TMEM114: variants seen among roughly 807,000 people sequenced by gnomAD.
TMEM114 encodes transmembrane protein 114.
TMEM114 carries 6 observed loss-of-function variants against 6.2 expected under a neutral mutation model. The observed-to-expected ratio is 0.97, with a 90% CI of 0.53 to 1.91. TMEM114 has a LOEUF of 1.91. Ranked by LOEUF, TMEM114 falls within the 40% of genes most tolerant of loss-of-function variation. TMEM114 has a pLI of 0.01. For synonymous variants in TMEM114, 104 were observed against 73.0 expected, an observed-to-expected ratio of 1.42 and a Z score of -2.16; for missense variants, 218 against 158.3, an observed-to-expected ratio of 1.38 and a Z score of -2.02.
intron 2 of TMEM114, among the ~76,000 whole-genome samples, chr16:8,538,464 C>G (rs1311735085): frequency 6.6e-6 from 1 of 151,702 alleles, no homozygotes; most frequent in African/African-American, 2.4e-5. Flanking sequence ...CTGTATGAAC[C>G]TAGACAAAGA....
chr16:8,586,521 T>A (rs909484943), intron 2 of TMEM114, among the ~76,000 whole-genome samples: 3 of 151,272 alleles, frequency 2.0e-5, no homozygotes, highest in Non-Finnish European at 3.0e-5. Flanking sequence ...TTTTTTTTGT[T>A]TTTTTTTTGA....
intron 2 of TMEM114, among the ~76,000 whole-genome samples, chr16:8,580,270 C>G (rs62018867): frequency 6.6e-6 from 1 of 151,932 alleles, no homozygotes; most frequent in Non-Finnish European, 1.5e-5. Context: ...GCAGATCACT[C>G]GAGGCCAGGA....
At chr16:8,549,715 C>G (rs191884283) in intron 2 of TMEM114, among the ~76,000 whole-genome samples, 5 of 151,982 alleles carry the variant, frequency 3.3e-5, no homozygotes, top group African/African-American at 1.2e-4. Context: ...TCTGTGTGCT[C>G]AGGTGGTGGC....
intron 2 of TMEM114, among the ~76,000 whole-genome samples, chr16:8,573,937 G>C (rs528471141): frequency 1.3e-5 from 2 of 152,360 alleles, no homozygotes; most frequent in South Asian, 2.1e-4. Flanking sequence ...GTTTCTAGCA[G>C]AGGTTCTGTT....
intron 2 of TMEM114, among the ~76,000 whole-genome samples, chr16:8,542,547 C>A (rs9935924): frequency 1.3e-5 from 2 of 151,962 alleles, no homozygotes; most frequent in Middle Eastern, 3.4e-3. Context: ...TATGTAAGAA[C>A]GATTTGGCAG....
At chr16:8,568,047 G>T (rs913601878), downstream of TMEM114, among the ~76,000 whole-genome samples, 20 of 152,288 alleles carry the variant, frequency 1.3e-4, no homozygotes, top group African/African-American at 4.1e-4. Context: ...GAAGTAGGGG[G>T]AGGACCATCT....
At chr16:8,564,065 G>GTGAGTGAGTGCATGAA (rs1441640790) in intron 2 of TMEM114, among the ~76,000 whole-genome samples, 1 of 148,052 alleles carries the variant, frequency 6.8e-6, no homozygotes, top group Non-Finnish European at 1.5e-5. Context: ...GAGTAAATGA[G>GTGAGTGAGTGCATGAA]TGAGTGAGTG....
At chr16:8,586,810 G>A (rs1426161154) in intron 2 of TMEM114, among the ~76,000 whole-genome samples, 1 of 151,954 alleles carries the variant, frequency 6.6e-6, no homozygotes, top group African/African-American at 2.4e-5. Flanking sequence ...ACGCCTGGCC[G>A]AATTCTTATA....
rs1901853664 is a variant in TMEM114, at chr16:8,574,582, C to CTTTCT, written c.302-2359_302-2358insAGAAA. 6.7e-4 allele frequency among the ~76,000 whole-genome samples: 95 copies of CTTTCT among 142,576 alleles called. 2 individuals are homozygous for CTTTCT. The Middle Eastern group carries it at 0.017, about 26-fold the overall frequency. 93.5% of individuals were successfully genotyped at this position (142,576 alleles called of 152,430 possible). Reference sequence around the variant, plus strand: ...CTTTCTTTCTTTCTTTCCTTCCTTCCTTCTTTCTTTCTTTCTTTCTTTCTT... The same window carrying CTTTCT: ...CTTTCTTTCTTTCTTTCCTTCCTTCCTTTCTTTCTTTCTTTCTTTCTTTCTTTCTT... On this transcript the variant is annotated intron_variant, in intron 2 of 3. Coordinates refer to ENST00000620492, the MANE Select transcript of TMEM114 (RefSeq NM_001146336.2).
At chr16:8,579,699 G>C (rs1369550170) in intron 2 of TMEM114, among the ~76,000 whole-genome samples, 1 of 152,098 alleles carries the variant, frequency 6.6e-6, no homozygotes, top group Non-Finnish European at 1.5e-5. Flanking sequence ...GAGAATACTT[G>C]TCTCTTTCTC....
At chr16:8,578,788 G>A (rs1266475190) in intron 2 of TMEM114, among the ~76,000 whole-genome samples, 1 of 152,132 alleles carries the variant, frequency 6.6e-6, no homozygotes, top group African/African-American at 2.4e-5. Context: ...AAACTAGCCT[G>A]GGCAACATGG....
intron 2 of TMEM114, among the ~76,000 whole-genome samples, chr16:8,557,067 G>C (rs544404756): frequency 2.0e-5 from 3 of 152,150 alleles, no homozygotes; most frequent in African/African-American, 7.2e-5. Context: ...CACTCAGAGA[G>C]GGTAGCAGAT....
chr16:8,567,336 C>T (rs576089636), downstream of TMEM114, among the ~76,000 whole-genome samples: 1 of 152,288 alleles, frequency 6.6e-6, no homozygotes, highest in African/African-American at 2.4e-5. Flanking sequence ...CTTGGCCACC[C>T]CCATGAATGT....
chr16:8,558,065 C>G (rs8053071), intron 2 of TMEM114, among the ~76,000 whole-genome samples: 1 of 151,538 alleles, frequency 6.6e-6, no homozygotes, highest in Non-Finnish European at 1.5e-5. Flanking sequence ...ACCAGCTTGA[C>G]CAACATGGTG....
chr16:8,548,565 G>T (rs1471310062), intron 2 of TMEM114, among the ~76,000 whole-genome samples: 1 of 152,070 alleles, frequency 6.6e-6, no homozygotes, highest in Admixed American at 6.6e-5. Flanking sequence ...CTTTTGCAGG[G>T]CCACGAACCA....
intron 2 of TMEM114, among the ~76,000 whole-genome samples, chr16:8,563,777 ATGACTGAG>A (rs1450430670): frequency 2.1e-5 from 2 of 94,160 alleles, no homozygotes; most frequent in African/African-American, 4.8e-5. Flanking sequence ...GAGTGAGTGA[ATGACTGAG>A]TGAGTAAATG....
chr16:8,529,729 TA>T, the TMEM114 span, among the ~76,000 whole-genome samples: 1,152 of 135,228 alleles, frequency 8.5e-3, 8 homozygotes, highest in African/African-American at 0.019. Context: ...AAAGAAAACT[TA>T]AAAAAAAAAA....
downstream of TMEM114, among the ~76,000 whole-genome samples, chr16:8,535,301 A>G (rs1391271649): frequency 6.6e-6 from 1 of 152,176 alleles, no homozygotes; most frequent in African/African-American, 2.4e-5. Flanking sequence ...GGACTTTTTT[A>G]TTATTACTTT....
intron 2 of TMEM114, among the ~76,000 whole-genome samples, chr16:8,542,207 T>C (rs1900537194): frequency 6.6e-6 from 1 of 152,048 alleles, no homozygotes; most frequent in Non-Finnish European, 1.5e-5. Flanking sequence ...TCTGCCAAGA[T>C]TTCTCCTGCT....
Sources: gnomAD v4.1 joint callset for allele counts (sites outside exome capture counted in the v4.1 genomes callset) on GRCh38, gnomAD v4.1.1 for gene constraint, MANE v1.5 for transcripts, NCBI Gene and HGNC (gene_info 2026-07-23, HGNC 2026-07-21) for gene names.